Variants in USP33 observed in about 807,000 individuals in gnomAD.
USP33 encodes the protein ubiquitin specific peptidase 33.
USP33 carries 46 observed loss-of-function variants against 124.2 expected under a neutral mutation model. That is an observed-to-expected ratio of 0.37 (90% CI 0.29 to 0.47). USP33 has a LOEUF of 0.47. USP33 is among the 20% of genes least tolerant of loss of function. The pLI is 0.99. For synonymous variants in USP33, 350 were observed against 352.3 expected (o/e 0.99, Z 0.07); for missense variants, 851 against 1,070.6 (o/e 0.79, Z 2.86).
At chr1:77,703,424 G>A (rs1038487472) in intron 21 of USP33, among the ~76,000 whole-genome samples, 5 of 152,062 alleles carry the variant, frequency 3.3e-5, no homozygotes, top group Admixed American at 6.6e-5. Flanking sequence ...AGGAGTTCGA[G>A]ACCAGTCTGG....
intron 1 of USP33, among the ~76,000 whole-genome samples, chr1:77,756,509 C>G (rs1680815937): frequency 6.6e-6 from 1 of 152,198 alleles, no homozygotes; most frequent in South Asian, 2.1e-4. Context: ...TCCAGCACCT[C>G]AGGAGCTTGC....
chr1:77,712,002 T>C (rs962087464), intron 20 of USP33, 147 bp from the exon 21 acceptor site: 2 of 751,782 alleles, frequency 2.7e-6, no homozygotes, highest in Non-Finnish European at 4.2e-6. Flanking sequence ...GGACTTGTTA[T>C]TATGTTTATT....
chr1:77,715,951 C>G, intron 17 of USP33, 83 bp from the exon 18 acceptor site: 1 of 1,374,664 alleles, frequency 7.3e-7, no homozygotes, highest in Non-Finnish European at 9.7e-7. Flanking sequence ...TTTCCAGTGC[C>G]TAGCACAGTA....
At chr1:77,699,711 CAATT>C (rs1482045332) in intron 22 of USP33, among the ~76,000 whole-genome samples, 1 of 152,092 alleles carries the variant, frequency 6.6e-6, no homozygotes, top group Non-Finnish European at 1.5e-5. Context: ...CAAAAGAACA[CAATT>C]CATTCTATTA....
chr1:77,748,440 G>T (rs978858100), intron 1 of USP33, among the ~76,000 whole-genome samples: 1 of 152,232 alleles, frequency 6.6e-6, no homozygotes, highest in Admixed American at 6.5e-5. Flanking sequence ...GGAGGCTGAG[G>T]CGGGTGGATC....
intron 21 of USP33, among the ~76,000 whole-genome samples, chr1:77,709,878 C>CACAT (rs946185429): frequency 8.2e-6 from 1 of 121,510 alleles, no homozygotes; most frequent in Non-Finnish European, 1.6e-5. Flanking sequence ...TACATGCATA[C>CACAT]ACATACACAC....
chr1:77,697,244 G>A lies in USP33; in HGVS notation c.*73C>T, dbSNP rs1462817791. 5 of 1,318,728 alleles carry A rather than the reference G, an allele frequency of 3.8e-6. No homozygotes were observed. Among genetic ancestry groups the A allele is most frequent in the Non-Finnish European group, 5.1e-6 (5 of 987,028 alleles). 81.7% of individuals were successfully genotyped at this position (1,318,728 alleles called of 1,614,324 possible). ...ATAAAGCAAATAAACACGCTTTTAG[G>A]AATGTTTTCGCATGTGTACATGTCA... On this transcript the variant is annotated 3_prime_UTR_variant, in exon 24 of 24. Coordinates refer to ENST00000370794, the MANE Select transcript of USP33 (RefSeq NM_201624.3).
intron 9 of USP33, among the ~76,000 whole-genome samples, chr1:77,729,369 T>TAA (rs1167126986): frequency 2.6e-5 from 3 of 115,468 alleles, no homozygotes; most frequent in Non-Finnish European, 3.7e-5. Context: ...TTATCTCTCT[T>TAA]AAAAAAAAAA....
intron 7 of USP33, among the ~76,000 whole-genome samples, chr1:77,734,063 T>C (rs897355090): frequency 5.9e-5 from 9 of 152,156 alleles, no homozygotes; most frequent in African/African-American, 1.9e-4. Flanking sequence ...ATCTCTGAAT[T>C]AAAAGTGATC....
chr1:77,757,757 C>T (rs1256967687), intron 1 of USP33, among the ~76,000 whole-genome samples: 3 of 152,180 alleles, frequency 2.0e-5, no homozygotes, highest in African/African-American at 7.2e-5. Context: ...GCTTTGGCAA[C>T]ATTATTTCAG....
chr1:77,702,161 A>AC, intron 21 of USP33, among the ~76,000 whole-genome samples: 1 of 142,228 alleles, frequency 7.0e-6, no homozygotes, highest in African/African-American at 2.8e-5. Context: ...AAAAAAAAAA[A>AC]AAAAAAAAAA....
At chr1:77,733,467 T>G (rs1678081944) in intron 7 of USP33, among the ~76,000 whole-genome samples, 1 of 152,108 alleles carries the variant, frequency 6.6e-6, no homozygotes, top group African/African-American at 2.4e-5. Context: ...TTAGGTTATC[T>G]TTATTTCACA....
chr1:77,752,587 T>C (rs531031944), intron 1 of USP33, among the ~76,000 whole-genome samples: 1 of 152,304 alleles, frequency 6.6e-6, no homozygotes, highest in African/African-American at 2.4e-5. Flanking sequence ...AAAAAAATTA[T>C]GTCAGAAGGA....
chr1:77,743,523 G>A (rs1358361448), intron 1 of USP33, among the ~76,000 whole-genome samples: 2 of 151,936 alleles, frequency 1.3e-5, no homozygotes, highest in Non-Finnish European at 2.9e-5. Context: ...CACTCACACT[G>A]GAGTACAATG....
rs771086202 is a variant in USP33 at position 77,714,743 on chromosome 1, A to G, written c.2086T>C (p.Ser696Pro). The change falls in exon 19 of 24, where the codon TCA becomes CCA. Residue 696 changes from serine (S) to proline (P), a missense_variant. Physicochemically the swap from Ser to Pro is moderately conservative, Grantham distance 74 (BLOSUM62 -1). Around this residue, in one of 4 missense-constraint regions of USP33, gnomAD observed 281 missense variants for 425.0 expected, o/e 0.66. Transcript: ENST00000370794. ...EEAQKERRRISNLLNIMEPSL... is the reference protein window; with the variant it reads ...EEAQKERRRIPNLLNIMEPSL... ...GGTTCCATTATGTTCAATAAATTTGATATCCTTCTCCTCTCTTTTTGTGCC... is the reference window on the plus strand; with the variant it reads ...GGTTCCATTATGTTCAATAAATTTGGTATCCTTCTCCTCTCTTTTTGTGCC... The G allele has an allele frequency of 6.2e-7, 1 of 1,612,532 alleles. No individual in the cohort carries two copies. The highest frequency in any genetic ancestry group is 2.2e-5 in the East Asian group (1 of 44,838).
intron 20 of USP33, 145 bp from the exon 21 acceptor site, chr1:77,712,000 T>C (rs953753384): frequency 1.6e-5 from 12 of 748,386 alleles, no homozygotes; most frequent in Non-Finnish European, 2.3e-5. Context: ...AAGGACTTGT[T>C]ATTATGTTTA....
At position 77,721,606 on chromosome 1, in the gene USP33, C is replaced by T. The variant is rs375211830; in HGVS notation, c.1657+225G>A. On this transcript the variant is annotated intron_variant, in intron 14 of 23. Coordinates refer to ENST00000370794, the MANE Select transcript of USP33 (RefSeq NM_201624.3). ...CTCAGAACAGCTTTAAAACATTTCA[C>T]TTATCATTTGTCTTATACTACAGGA... 101 of 516,912 alleles carry T rather than the reference C, an allele frequency of 2.0e-4. No homozygotes were observed. The East Asian group carries it at 2.7e-3, about 14-fold the overall frequency. 32.0% of individuals were successfully genotyped at this position (516,912 alleles called of 1,614,324 possible).
intron 7 of USP33, among the ~76,000 whole-genome samples, chr1:77,732,955 G>A (rs956022971): frequency 2.0e-5 from 3 of 151,456 alleles, no homozygotes; most frequent in Non-Finnish European, 2.9e-5. Context: ...CACCACACCC[G>A]GCTAATTTTT....
chr1:77,729,792 A>T, intron 9 of USP33, 68 bp downstream of exon 9: 2 of 1,530,408 alleles, frequency 1.3e-6, no homozygotes, highest in Non-Finnish European at 1.8e-6. Context: ...AGTAGACCCA[A>T]AAAAAACATA....
Sources: gnomAD v4.1 joint callset for allele counts (sites outside exome capture counted in the v4.1 genomes callset) on GRCh38, gnomAD v4.1.1 for gene constraint, gnomAD v4.1.1 regional missense constraint, MANE v1.5 for transcripts, NCBI Gene and HGNC (gene_info 2026-07-23, HGNC 2026-07-21) for gene names.